Variants in CNTN4 observed in about 807,000 individuals in gnomAD.
The protein encoded by CNTN4 is contactin-4.
A neutral mutation model predicts 122.5 loss-of-function variants in CNTN4; 77 were observed. The observed-to-expected ratio is 0.63, with a 90% CI of 0.52 to 0.76. The LOEUF (loss-of-function observed/expected upper bound fraction) is 0.76. Among genes scored for constraint, CNTN4 ranks in the 30% least tolerant of loss-of-function variants. The probability of loss-of-function intolerance (pLI) is 0.00; values close to 1 mark genes in which losing one functional copy is unlikely to be tolerated. For synonymous variants in CNTN4, 512 were observed against 447.0 expected, an observed-to-expected ratio of 1.15 and a Z score of -1.83; for missense variants, 1,256 against 1,259.1, an observed-to-expected ratio of 1.00 and a Z score of 0.04.
At chr3:2,258,171 G>A (rs1249903956) in intron 2 of CNTN4, among the ~76,000 whole-genome samples, 2 of 152,130 alleles carry the variant, frequency 1.3e-5, no homozygotes, top group Admixed American at 6.6e-5. Context: ...CAACTATTGC[G>A]GAAGACAGTG....
intron 3 of CNTN4, among the ~76,000 whole-genome samples, chr3:2,417,780 G>T (rs1051783058): frequency 2.6e-5 from 4 of 152,130 alleles, no homozygotes; most frequent in Admixed American, 2.6e-4. Context: ...TACACCTAGA[G>T]AATGGAATAA....
intron 2 of CNTN4, among the ~76,000 whole-genome samples, chr3:2,254,965 C>T (rs1435657729): frequency 2.0e-5 from 3 of 152,144 alleles, no homozygotes; most frequent in Non-Finnish European, 2.9e-5. Context: ...TTGCCCATGC[C>T]TATGTCCTAA....
At chr3:2,976,964 C>A (rs528581024) in intron 13 of CNTN4, among the ~76,000 whole-genome samples, 36 of 152,056 alleles carry the variant, frequency 2.4e-4, no homozygotes, top group Middle Eastern at 6.8e-3. Flanking sequence ...ATCTGCCAGG[C>A]TTTTCTAATT....
At chr3:2,281,126 A>G (rs973224855) in intron 2 of CNTN4, among the ~76,000 whole-genome samples, 1 of 152,182 alleles carries the variant, frequency 6.6e-6, no homozygotes, top group South Asian at 2.1e-4. Context: ...TCACCTCCTC[A>G]TTTCTAAAAG....
intron 6 of CNTN4, among the ~76,000 whole-genome samples, chr3:2,758,517 C>CTTTT (rs34531341): frequency 0.61 from 75,338 of 123,736 alleles, 25,786 homozygotes; most frequent in Non-Finnish European, 0.75. Flanking sequence ...CAACACCATA[C>CTTTT]TTTTTTTTTT....
chr3:2,779,075 A>G (rs1053112219), intron 6 of CNTN4, among the ~76,000 whole-genome samples: 7 of 152,188 alleles, frequency 4.6e-5, no homozygotes, highest in Non-Finnish European at 1.0e-4. Context: ...ATTGTTTTAT[A>G]TATAGCTGAC....
chr3:2,675,367 G>A (rs892546921), intron 4 of CNTN4, among the ~76,000 whole-genome samples: 1 of 152,000 alleles, frequency 6.6e-6, no homozygotes, highest in Non-Finnish European at 1.5e-5. Context: ...TAACATGCCT[G>A]ACTCTGTCTC....
chr3:2,751,897 A>C (rs2090112587), intron 6 of CNTN4, among the ~76,000 whole-genome samples: 1 of 152,080 alleles, frequency 6.6e-6, no homozygotes, highest in African/African-American at 2.4e-5. Context: ...TATATTGACT[A>C]AGTTTAGAGG....
At chr3:3,044,977 A>T (rs962557944) in intron 23 of CNTN4, among the ~76,000 whole-genome samples, 7 of 152,204 alleles carry the variant, frequency 4.6e-5, no homozygotes, top group Admixed American at 4.6e-4. Flanking sequence ...TATCCCATGC[A>T]TGGCTCAGAG....
At chr3:2,490,983 T>C (rs2076299476) in intron 3 of CNTN4, among the ~76,000 whole-genome samples, 1 of 152,164 alleles carries the variant, frequency 6.6e-6, no homozygotes, top group South Asian at 2.1e-4. Context: ...CCTTCTTTAG[T>C]GTATACAAAT....
intron 4 of CNTN4, among the ~76,000 whole-genome samples, chr3:2,725,907 C>A (rs1406307383): frequency 1.3e-5 from 2 of 152,128 alleles, no homozygotes; most frequent in East Asian, 1.9e-4. Context: ...TGGTGTGTAC[C>A]TTTCTATGCA....
chr3:2,239,542 C>G lies in CNTN4; in HGVS notation c.-144-99636C>G, dbSNP rs563591185. 2.0e-5 allele frequency among the ~76,000 whole-genome samples: 3 copies of G among 152,216 alleles called. No individual in the cohort carries two copies. In the South Asian group the frequency reaches 6.2e-4, roughly 32 times the overall value. ...ATCTTGCTCTTACAAGCTTTGGGAT[C>G]TTGGGCAATTCAGTTTCCCTAAGCT... On this transcript the variant is annotated intron_variant, in intron 2 of 24. Transcript: ENST00000418658.
chr3:2,819,512 A>G lies in CNTN4; in HGVS notation c.385A>G (p.Arg129Gly), dbSNP rs1214003589. 6.2e-7 allele frequency: 1 copy of G among 1,614,174 alleles called. No homozygotes were observed. Among genetic ancestry groups the G allele is most frequent in the Non-Finnish European group, 8.5e-7 (1 of 1,179,994 alleles). The stretch of plus-strand genomic sequence containing the variant: ...TCTTGACAACTTTAAAACAAGAACA[A>G]GAAGCACTGTGTCTGTCCGTCGAGG... ...AYLDNFKTRT[R>G]STVSVRRGQG... The change falls in exon 7 of 25, where the codon AGA (arginine) becomes GGA (glycine). Residue 129 changes from arginine to glycine, a missense_variant. Transcript: ENST00000418658.
chr3:2,556,684 A>ATG (rs1220304424), intron 3 of CNTN4, among the ~76,000 whole-genome samples: 2 of 152,036 alleles, frequency 1.3e-5, no homozygotes, highest in Non-Finnish European at 2.9e-5. Flanking sequence ...CATTTTATAT[A>ATG]TGTGTGTGTA....
intron 2 of CNTN4, among the ~76,000 whole-genome samples, chr3:2,176,200 C>A (rs906223753): frequency 6.6e-6 from 1 of 152,098 alleles, no homozygotes; most frequent in African/African-American, 2.4e-5. Context: ...GATTCTTCAA[C>A]AGTAGGGAGA....
At chr3:2,125,133 A>G (rs1298827719) in intron 2 of CNTN4, among the ~76,000 whole-genome samples, 2 of 152,072 alleles carry the variant, frequency 1.3e-5, no homozygotes, top group Non-Finnish European at 2.9e-5. Flanking sequence ...CTTCCTCTAC[A>G]GGCTCTGGAA....
chr3:2,769,809 C>G (rs1237169893), intron 6 of CNTN4, among the ~76,000 whole-genome samples: 15 of 152,166 alleles, frequency 9.9e-5, no homozygotes, highest in Admixed American at 9.8e-4. Flanking sequence ...TAGAAATCAT[C>G]AGCGGAGCCA....
rs1559847825 is a variant in CNTN4, at chr3:3,057,073, A to G, written c.*853A>G. 6.6e-6 allele frequency: 1 copy of G among 152,670 alleles called. No individual in the cohort carries two copies. The allele number at this position is 152,670 out of a possible 1,614,324, so 9.5% of individuals were successfully genotyped here. ...AGTAACATAGACCCAAAGTTACTAT[A>G]GTCAACCAAGTCTTTCAAAGGATAA... On this transcript the variant is annotated 3_prime_UTR_variant, in exon 25 of 25. Coordinates refer to ENST00000418658, the MANE Select transcript of CNTN4 (RefSeq NM_175607.3).
intron 2 of CNTN4, among the ~76,000 whole-genome samples, chr3:2,102,239 A>C (rs888559217): frequency 7.9e-5 from 12 of 152,242 alleles, no homozygotes; most frequent in South Asian, 2.1e-4. Flanking sequence ...TGGAGGCTGG[A>C]AAGTTCATAA....
Sources: allele counts gnomAD v4.1 joint callset (sites outside exome capture counted in the v4.1 genomes callset), GRCh38; gene constraint gnomAD v4.1.1; transcripts MANE v1.5; gene names NCBI Gene and HGNC (gene_info 2026-07-23, HGNC 2026-07-21).